PCDHA3: variants seen among roughly 807,000 people sequenced by gnomAD.
PCDHA3 encodes the protein protocadherin alpha-3.
PCDHA3 carries 41 observed loss-of-function variants against 62.2 expected under a neutral mutation model. The observed-to-expected ratio is 0.66, with a 90% CI of 0.51 to 0.86. PCDHA3 has a LOEUF of 0.86. Among genes scored for constraint, PCDHA3 ranks in the 40% least tolerant of loss-of-function variants. PCDHA3 has a pLI of 0.00. For missense variants in PCDHA3, 1,304 were observed against 1,241.2 expected, an observed-to-expected ratio of 1.05 and a Z score of -0.76; for synonymous variants, 640 against 555.4, an observed-to-expected ratio of 1.15 and a Z score of -2.14.
chr5:140,984,138 G>A (rs1476039645), intron 3 of PCDHA3, among the ~76,000 whole-genome samples: 1 of 152,194 alleles, frequency 6.6e-6, no homozygotes, highest in East Asian at 1.9e-4. Flanking sequence ...GGATGTGGAG[G>A]CATCTGGGAA....
rs2150360169 is a variant in PCDHA3 at position 140,843,445 on chromosome 5, C to T, written c.2394+39854C>T. The T allele has an allele frequency of 2.5e-6, 4 of 1,596,040 alleles. 1 individual carries two copies. The highest frequency in any genetic ancestry group is 1.7e-6 in the Non-Finnish European group (2 of 1,165,674). Reference sequence around the variant, plus strand: ...TGATCATCGCCATCTGCGCGGTATCCAGCCTGCTGGTGCTCACGCTGCTGC... The same window carrying T: ...TGATCATCGCCATCTGCGCGGTATCTAGCCTGCTGGTGCTCACGCTGCTGC... On this transcript the variant is annotated intron_variant, in intron 1 of 3. Coordinates refer to ENST00000522353, the MANE Select transcript of PCDHA3 (RefSeq NM_018906.3).
In PCDHA3 at chr5:140,853,250, T is replaced by C. The variant is rs187095987; in HGVS notation, c.2394+49659T>C. 492 of 976,066 alleles carry C rather than the reference T, an allele frequency of 5.0e-4. 28 individuals carry two copies. The African/African-American group carries it at 6.8e-3, about 14-fold the overall frequency. The allele number at this position is 976,066 out of a possible 1,614,324, so 60.5% of individuals were successfully genotyped here. On this transcript the variant is annotated intron_variant, in intron 1 of 3. Transcript: ENST00000522353. ...ATTTAGTCCTTCATATTAATCTCTA[T>C]TCTCTCTCAGAGTACAAGCTCTCAT... is the stretch of plus-strand genomic sequence containing the variant.
intron 1 of PCDHA3, among the ~76,000 whole-genome samples, chr5:140,897,064 CTT>C (rs1313385579): frequency 3.3e-5 from 5 of 152,042 alleles, no homozygotes; most frequent in Non-Finnish European, 4.4e-5. Flanking sequence ...AATACTATGT[CTT>C]ATTCATTTTT....
chr5:140,982,482 C>T lies in PCDHA3; in HGVS notation c.2461C>T (p.His821Tyr), dbSNP rs782273708. 1.9e-6 allele frequency: 3 copies of T among 1,614,054 alleles called. No individual in the cohort carries two copies. Among genetic ancestry groups the T allele is most frequent in the East Asian group, 4.5e-5 (2 of 44,894 alleles). The change falls in exon 3 of 4, where the codon CAC (histidine) becomes TAC (tyrosine). Residue 821 changes from histidine to tyrosine, a missense_variant. Physicochemically the swap from His to Tyr is moderately conservative, Grantham distance 83. Transcript: ENST00000522353. ...SLRAGMHSSV[H>Y]LEEAGILRAG... ...GTCTGTGTGTTTATTCAGCTCTGTGCACCTAGAGGAGGCTGGCATTCTACG... is the reference window on the plus strand; with the variant it reads ...GTCTGTGTGTTTATTCAGCTCTGTGTACCTAGAGGAGGCTGGCATTCTACG...
At chr5:140,884,547 C>T (rs1554181712) in intron 1 of PCDHA3, 5 of 1,614,214 alleles carry the variant, frequency 3.1e-6, no homozygotes, top group Admixed American at 1.7e-5. Context: ...AGGGTGTGCT[C>T]TGGGGAGGGC....
intron 3 of PCDHA3, among the ~76,000 whole-genome samples, chr5:140,992,190 A>C (rs1452489619): frequency 1.3e-5 from 2 of 152,134 alleles, no homozygotes; most frequent in African/African-American, 2.4e-5. Flanking sequence ...GCTTTCAGTG[A>C]TCTATCCAAT....
chr5:140,829,165 T>G lies in PCDHA3; in HGVS notation c.2394+25574T>G, dbSNP rs141910594. The G allele has an allele frequency of 2.8e-4, 449 of 1,614,128 alleles. 1 individual carries two copies. The highest frequency in any genetic ancestry group is 5.0e-4 in the Admixed American group (30 of 60,032). ...TAGCACTGACTTCCTTATCCTTGCC[T>G]GTACGTGAAGACGCTCAATTTGGTA... On this transcript the variant is annotated intron_variant, in intron 1 of 3. Transcript: ENST00000522353.
At position 140,801,381 on chromosome 5, in the gene PCDHA3, C is replaced by A. The variant is rs782738715; in HGVS notation, c.184C>A (p.Arg62Ser). The change falls in exon 1 of 4, where the codon CGC (arginine) becomes AGC (serine). Residue 62 changes from arginine to serine, a missense_variant. Coordinates refer to ENST00000522353, the MANE Select transcript of PCDHA3 (RefSeq NM_018906.3). ...LGLELAELVP[R>S]LFRVASKRHG... ...GCTGGAGCTGGCGGAGCTGGTGCCG[C>A]GCCTGTTCCGGGTGGCGTCCAAAAG... is the stretch of plus-strand genomic sequence containing the variant. The A allele has an allele frequency of 6.8e-6, 11 of 1,613,546 alleles. No homozygotes were observed. Among genetic ancestry groups the A allele is most frequent in the Non-Finnish European group, 9.3e-6 (11 of 1,179,972 alleles).
chr5:140,952,977 C>T (rs148504111), intron 1 of PCDHA3, among the ~76,000 whole-genome samples: 2 of 152,182 alleles, frequency 1.3e-5, no homozygotes, highest in East Asian at 3.9e-4. Context: ...TTTTAAACAA[C>T]AAGATCTCAT....
intron 1 of PCDHA3, among the ~76,000 whole-genome samples, chr5:140,941,202 C>T (rs246071): frequency 0.094 from 11,551 of 122,542 alleles, 708 homozygotes; most frequent in Admixed American, 0.12. Context: ...TTTCTTTCTT[C>T]CTTTCTTTCT....
chr5:140,809,782 T>C, intron 1 of PCDHA3: 1 of 502,618 alleles, frequency 2.0e-6, no homozygotes, highest in Non-Finnish European at 3.4e-6. Flanking sequence ...CAATGCATAT[T>C]AACAGAACTG....
At chr5:140,928,252 G>T in intron 1 of PCDHA3, 1 of 1,614,208 alleles carries the variant, frequency 6.2e-7, no homozygotes, top group Non-Finnish European at 8.5e-7. Flanking sequence ...GGAACTTTTC[G>T]TTGCTGAAAA....
chr5:140,910,371 A>G (rs2153514600), intron 1 of PCDHA3, among the ~76,000 whole-genome samples: 1 of 152,246 alleles, frequency 6.6e-6, no homozygotes, highest in South Asian at 2.1e-4. Flanking sequence ...AGCTATGCCC[A>G]CCTTGCCTTT....
At chr5:140,936,925 T>C (rs1554211273) in intron 1 of PCDHA3, among the ~76,000 whole-genome samples, 2 of 152,208 alleles carry the variant, frequency 1.3e-5, no homozygotes, top group African/African-American at 2.4e-5. Context: ...AAATATGGGG[T>C]ATATTGAAAA....
chr5:140,828,395 T>G (rs2150154889), intron 1 of PCDHA3: 3 of 1,614,172 alleles, frequency 1.9e-6, no homozygotes, highest in South Asian at 2.2e-5. Context: ...GAGCGCGGAG[T>G]GCAGCATCCA....
At position 140,802,031 on chromosome 5, in the gene PCDHA3, G is replaced by T; in HGVS notation, c.834G>T (p.Ala278=). 2 of 1,614,154 alleles carry T rather than the reference G, an allele frequency of 1.2e-6. No homozygotes were observed. Among genetic ancestry groups the T allele is most frequent in the Non-Finnish European group, 1.7e-6 (2 of 1,180,034 alleles). The change falls in exon 1 of 4, where the codon GCG becomes GCT. Residue 278 remains alanine, a synonymous_variant. Coordinates refer to ENST00000522353, the MANE Select transcript of PCDHA3 (RefSeq NM_018906.3). The part of the protein sequence containing the change: ...DLDEGVNKDI[A]YSFNTDMSAD... Reference sequence around the variant, plus strand: ...ATGAAGGAGTAAATAAGGATATCGCGTATTCTTTCAATACGGACATGTCAG... The same window carrying T: ...ATGAAGGAGTAAATAAGGATATCGCTTATTCTTTCAATACGGACATGTCAG...
chr5:140,900,630 G>A (rs1355486036), intron 1 of PCDHA3, among the ~76,000 whole-genome samples: 3 of 152,132 alleles, frequency 2.0e-5, no homozygotes, highest in African/African-American at 7.2e-5. Context: ...TCCAAATCTT[G>A]GCTATTGTGA....
intron 1 of PCDHA3, among the ~76,000 whole-genome samples, chr5:140,806,350 T>C (rs1733332281): frequency 1.3e-5 from 2 of 152,204 alleles, no homozygotes; most frequent in African/African-American, 4.8e-5. Flanking sequence ...CAAGTACTTA[T>C]AAACTGTAAG....
At chr5:140,941,194 TCTTTCTTCC>T (rs781813612) in intron 1 of PCDHA3, among the ~76,000 whole-genome samples, 93 of 112,424 alleles carry the variant, frequency 8.3e-4, no homozygotes, top group South Asian at 2.2e-3. Flanking sequence ...TCTTTTTTTT[TCTTTCTTCC>T]TTTCTTTCTT....
Sources: gnomAD v4.1 joint callset for allele counts (sites outside exome capture counted in the v4.1 genomes callset) on GRCh38, gnomAD v4.1.1 for gene constraint, MANE v1.5 for transcripts, NCBI Gene and HGNC (gene_info 2026-07-23, HGNC 2026-07-21) for gene names.